Variants in CNIH3 observed in about 807,000 individuals in gnomAD.
The protein encoded by CNIH3 is cornichon family AMPA receptor auxiliary protein 3.
In CNIH3, 14 loss-of-function variants were observed where a neutral mutation model predicts 24.1. The observed-to-expected ratio is 0.58, with a 90% CI of 0.38 to 0.91. The LOEUF is 0.91. Ranked by LOEUF, CNIH3 falls within the 40% of genes least tolerant of loss-of-function variation. The pLI is 0.00. For missense variants in CNIH3, 178 were observed against 196.8 expected (o/e 0.90, Z 0.57); for synonymous variants, 68 against 73.8 (o/e 0.92, Z 0.40).
At chr1:224,720,252 C>CTTTTTTTTTTTTTTTTTTTTTTT (rs10625559) in intron 3 of CNIH3, among the ~76,000 whole-genome samples, 1 of 142,084 alleles carries the variant, frequency 7.0e-6, no homozygotes. Flanking sequence ...GGATAGTCAT[C>CTTTTTTTTTTTTTTTTTTTTTTT]TTTTTTTTTT....
chr1:224,561,784 C>T (rs1680383864), intron 3 of CNIH3, among the ~76,000 whole-genome samples: 1 of 152,188 alleles, frequency 6.6e-6, no homozygotes, highest in African/African-American at 2.4e-5. Flanking sequence ...TCTTGCATGT[C>T]TGGTTCATGT....
At chr1:224,573,994 G>A (rs1039536157) in intron 4 of CNIH3, among the ~76,000 whole-genome samples, 6 of 152,098 alleles carry the variant, frequency 3.9e-5, no homozygotes, top group Non-Finnish European at 1.5e-5. Context: ...GAACTCCTGG[G>A]CTCAAGGATC....
chr1:224,681,054 G>C, intron 2 of CNIH3, 28 bp downstream of exon 2: 1 of 1,590,266 alleles, frequency 6.3e-7, no homozygotes, highest in Non-Finnish European at 8.6e-7. Context: ...GTGAGGGGAA[G>C]GTGCTATCAC....
intron 1 of CNIH3, among the ~76,000 whole-genome samples, chr1:224,656,185 T>C (rs1259612538): frequency 6.6e-6 from 1 of 152,148 alleles, no homozygotes; most frequent in African/African-American, 2.4e-5. Context: ...TGTGGGATAA[T>C]GAGAAGGAAT....
intron 3 of CNIH3, among the ~76,000 whole-genome samples, chr1:224,551,488 C>A (rs376642753): frequency 1.9e-4 from 29 of 152,170 alleles, no homozygotes; most frequent in Non-Finnish European, 4.3e-4. Context: ...TGTATGTAAT[C>A]ACCGAATATT....
At chr1:224,705,850 C>CTTTTTTCTTTTTT (rs1687762236) in intron 3 of CNIH3, among the ~76,000 whole-genome samples, 1 of 90,206 alleles carries the variant, frequency 1.1e-5, no homozygotes, top group African/African-American at 3.5e-5. Context: ...TCTTTCTTTT[C>CTTTTTTCTTTTTT]TTTTTTTTCT....
chr1:224,575,272 A>C, intron 4 of CNIH3: 10 of 1,174,186 alleles, frequency 8.5e-6, no homozygotes, highest in Non-Finnish European at 1.3e-5. Context: ...AAGGTCTTCA[A>C]CTTTGAACTG....
At chr1:224,687,176 A>G (rs146849181) in intron 3 of CNIH3, among the ~76,000 whole-genome samples, 1 of 152,232 alleles carries the variant, frequency 6.6e-6, no homozygotes, top group Non-Finnish European at 1.5e-5. Context: ...GGGGAGTAGC[A>G]CTGGAGTGGC....
At chr1:224,689,110 G>A (rs1047020591) in intron 3 of CNIH3, among the ~76,000 whole-genome samples, 3 of 151,880 alleles carry the variant, frequency 2.0e-5, no homozygotes, top group Non-Finnish European at 2.9e-5. Context: ...AGCCACTTCC[G>A]GGACTTTTAT....
chr1:224,442,826 C>T (rs576106353), intron 1 of CNIH3, among the ~76,000 whole-genome samples: 30 of 152,192 alleles, frequency 2.0e-4, no homozygotes, highest in South Asian at 1.5e-3. Flanking sequence ...TTGTGTTAGT[C>T]CGAAAAGTAG....
intron 2 of CNIH3, among the ~76,000 whole-genome samples, chr1:224,535,459 C>CA (rs1679246188): frequency 6.6e-6 from 1 of 152,232 alleles, no homozygotes; most frequent in African/African-American, 2.4e-5. Context: ...GTTACAGCAT[C>CA]ACTGAGAAAC....
intron 1 of CNIH3, among the ~76,000 whole-genome samples, chr1:224,624,978 T>C (rs962433782): frequency 5.9e-5 from 9 of 152,142 alleles, no homozygotes; most frequent in Non-Finnish European, 1.0e-4. Flanking sequence ...TCCCTGGCGA[T>C]CTGAGTCCAC....
At chr1:224,513,216 T>G (rs1678229651), upstream of CNIH3, among the ~76,000 whole-genome samples, 1 of 151,834 alleles carries the variant, frequency 6.6e-6, no homozygotes, top group Admixed American at 6.6e-5. Flanking sequence ...TGGAGTGCAG[T>G]GGTGTGATCA....
chr1:224,465,944 C>T (rs1029113348), intron 1 of CNIH3, among the ~76,000 whole-genome samples: 1 of 152,198 alleles, frequency 6.6e-6, no homozygotes, highest in African/African-American at 2.4e-5. Flanking sequence ...AGGAGAATCG[C>T]TTGAGCCTGG....
intron 2 of CNIH3, among the ~76,000 whole-genome samples, chr1:224,536,453 G>A (rs543140725): frequency 6.6e-6 from 1 of 151,914 alleles, no homozygotes; most frequent in African/African-American, 2.4e-5. Context: ...CACCACGCCT[G>A]GCTAATTTTG....
chr1:224,608,505 ATG>A (rs1014099649), intron 3 of CNIH3, among the ~76,000 whole-genome samples: 7 of 152,076 alleles, frequency 4.6e-5, no homozygotes, highest in African/African-American at 1.7e-4. Flanking sequence ...TGACTGGGGG[ATG>A]CATGCACTGG....
chr1:224,533,784 G>A (rs1254558358), intron 2 of CNIH3, among the ~76,000 whole-genome samples: 1 of 152,094 alleles, frequency 6.6e-6, no homozygotes, highest in African/African-American at 2.4e-5. Context: ...CAGTCTAACC[G>A]CATCTCAACT....
chr1:224,590,244 A>G (rs1681694832), downstream of CNIH3, among the ~76,000 whole-genome samples: 1 of 152,212 alleles, frequency 6.6e-6, no homozygotes, highest in Non-Finnish European at 1.5e-5. Context: ...TGTTGAATAA[A>G]TGAATGAATG....
chr1:224,669,452 A>T (rs1685756037), intron 1 of CNIH3, among the ~76,000 whole-genome samples: 1 of 151,950 alleles, frequency 6.6e-6, no homozygotes, highest in Non-Finnish European at 1.5e-5. Context: ...TCATGTTTCC[A>T]CCTGTAACAG....
Sources: allele counts gnomAD v4.1 joint callset (sites outside exome capture counted in the v4.1 genomes callset), GRCh38; gene constraint gnomAD v4.1.1; transcripts MANE v1.5; gene names NCBI Gene and HGNC (gene_info 2026-07-23, HGNC 2026-07-21).